Variants in DHX8 observed in about 807,000 individuals in gnomAD.
DHX8 encodes ATP-dependent RNA helicase DHX8.
DHX8 carries 67 observed loss-of-function variants against 140.7 expected under a neutral mutation model. The observed-to-expected ratio is 0.48, with a 90% CI of 0.39 to 0.58. The LOEUF is 0.58. DHX8 is among the 20% of genes least tolerant of loss of function. The pLI, the probability that DHX8 is intolerant of heterozygous loss-of-function variation, is 0.00. For missense variants in DHX8, 887 were observed against 1,550.7 expected (o/e 0.57, Z 7.19); for synonymous variants, 533 against 553.2 (o/e 0.96, Z 0.51).
rs1168507455 is a variant in DHX8, at chr17:43,541,396, G to T, written c.*21-2766G>T. The stretch of plus-strand genomic sequence containing the variant: ...GCCAGTGTGCCAGGGTCTGTCCCCA[G>T]CTCCATCCCGGTACTAAGATGGAGT... On this transcript the variant is annotated intron_variant, in intron 3 of 3. Transcript: ENST00000589898. Among the ~76,000 whole-genome samples, 3 of 152,352 alleles carry T rather than the reference G, an allele frequency of 2.0e-5. No individual in the cohort carries two copies. In the East Asian group the frequency reaches 5.8e-4, roughly 29 times the overall value.
intron 5 of DHX8, among the ~76,000 whole-genome samples, 161 bp downstream of exon 5, chr17:43,492,453 C>G (rs747716390): frequency 2.0e-5 from 3 of 152,138 alleles, no homozygotes; most frequent in Admixed American, 6.6e-5. Context: ...GTGTATGTAG[C>G]AAATGCTAGG....
chr17:43,533,302 CA>C (rs1971056392), intron 2 of DHX8: 1 of 1,613,762 alleles, frequency 6.2e-7, no homozygotes, highest in Non-Finnish European at 8.5e-7. Context: ...CCAAGGGCAC[CA>C]GGGGCAGGGG....
intron 2 of DHX8, chr17:43,533,106 C>T (rs1187653453): frequency 1.3e-6 from 2 of 1,552,206 alleles, no homozygotes; most frequent in African/African-American, 1.4e-5. Flanking sequence ...TACCACCCCA[C>T]AGCTCAAGTC....
intron 22 of DHX8, among the ~76,000 whole-genome samples, chr17:43,523,074 A>G (rs1439107564): frequency 6.6e-6 from 1 of 151,858 alleles, no homozygotes; most frequent in Admixed American, 6.6e-5. Flanking sequence ...AAAAAAAAAA[A>G]AAAAAGAAAG....
At position 43,533,918 on chromosome 17, in the gene DHX8, C is replaced by T. The variant is rs569449681; in HGVS notation, c.351-2494C>T. The T allele has an allele frequency of 5.0e-6, 8 of 1,592,454 alleles. No homozygotes were observed. The East Asian group carries it at 1.4e-4, about 27-fold the overall frequency. ...GGAGTGGCGGCTTCCTGCTGCAGGA[C>T]AGGGCCGGGTCTGTGCGGGGACTCT... On this transcript the variant is annotated intron_variant, in intron 2 of 3. Coordinates refer to the DHX8 transcript ENST00000589898.
At chr17:43,487,793 G>A (rs1206328967) in intron 1 of DHX8, among the ~76,000 whole-genome samples, 4 of 151,416 alleles carry the variant, frequency 2.6e-5, no homozygotes, top group African/African-American at 9.7e-5. Context: ...CCTGGCCAAT[G>A]TGGCAAAACC....
chr17:43,513,167 C>T (rs549680698), intron 16 of DHX8, among the ~76,000 whole-genome samples, 195 bp from the exon 17 acceptor site: 89 of 152,250 alleles, frequency 5.8e-4, no homozygotes, highest in African/African-American at 1.9e-3. Flanking sequence ...CATCCCTTTT[C>T]CAACTTAACC....
At chr17:43,508,557 A>C (rs925328947) in intron 16 of DHX8, 37 bp downstream of exon 16, 4 of 1,465,812 alleles carry the variant, frequency 2.7e-6, no homozygotes, top group Non-Finnish European at 3.8e-6. Context: ...ATGTGCCCTG[A>C]AACCATGTGT....
intron 1 of DHX8, 132 bp downstream of exon 1, chr17:43,484,317 C>T (rs1967993223): frequency 3.6e-6 from 4 of 1,122,746 alleles, no homozygotes; most frequent in Admixed American, 2.2e-5. Flanking sequence ...TCGCAGACAC[C>T]GGTGCCCAGG....
intron 17 of DHX8, among the ~76,000 whole-genome samples, chr17:43,515,332 G>A (rs1259269653): frequency 1.3e-5 from 2 of 152,168 alleles, no homozygotes; most frequent in African/African-American, 4.8e-5. Context: ...GGGACTACAG[G>A]CGCATGCCGC....
intron 11 of DHX8, among the ~76,000 whole-genome samples, chr17:43,502,221 AT>A (rs1451675178): frequency 2.0e-5 from 3 of 152,178 alleles, no homozygotes; most frequent in Non-Finnish European, 4.4e-5. Flanking sequence ...AATTGTGTTA[AT>A]TTAGATATCA....
At chr17:43,534,111 T>C (rs1971108580) in intron 2 of DHX8, 2 of 1,087,240 alleles carry the variant, frequency 1.8e-6, no homozygotes, top group Non-Finnish European at 1.2e-6. Context: ...CCTCTCTGGG[T>C]ATCAATTTTC....
At chr17:43,529,763 G>A (rs1970795312), downstream of DHX8, 1 of 1,591,112 alleles carries the variant, frequency 6.3e-7, no homozygotes, top group African/African-American at 1.3e-5. Context: ...TTCTCGAAGG[G>A]GTCTCCCCAG....
intron 3 of DHX8, among the ~76,000 whole-genome samples, chr17:43,542,866 C>G (rs182138395): frequency 6.6e-6 from 1 of 152,248 alleles, no homozygotes; most frequent in African/African-American, 2.4e-5. Flanking sequence ...AGGTTGGGCT[C>G]TGGTCCCCTT....
At chr17:43,487,268 G>C (rs142321507) in intron 1 of DHX8, among the ~76,000 whole-genome samples, 2 of 152,326 alleles carry the variant, frequency 1.3e-5, no homozygotes, top group East Asian at 3.9e-4. Flanking sequence ...ATGTGTTCGT[G>C]TAGCCTGATG....
At chr17:43,501,752 T>C (rs1292828982) in intron 11 of DHX8, among the ~76,000 whole-genome samples, 4 of 152,032 alleles carry the variant, frequency 2.6e-5, no homozygotes, top group African/African-American at 9.7e-5. Context: ...CCTCCCAAAG[T>C]GCCGGGATTA....
chr17:43,493,175 T>G (rs1968639500), intron 6 of DHX8, 135 bp downstream of exon 6: 1 of 1,283,570 alleles, frequency 7.8e-7, no homozygotes, highest in African/African-American at 1.5e-5. Flanking sequence ...TCTTAGAAAT[T>G]GACTCTTTTG....
Position 43,520,054 on chromosome 17 carries a change from A to T in DHX8, c.2800-76A>T. ...CAATTGAAGAAATGGGAAATAAAGT[A>T]ACAAGTAGCTTCCCCACATGCTGAC... On this transcript the variant is annotated intron_variant, in intron 18 of 22. Coordinates refer to ENST00000262415, the MANE Select transcript of DHX8 (RefSeq NM_004941.3). 7.7e-6 allele frequency: 12 copies of T among 1,548,784 alleles called. No homozygotes were observed. The South Asian group carries it at 1.4e-4, about 18-fold the overall frequency.
intron 10 of DHX8, among the ~76,000 whole-genome samples, 167 bp downstream of exon 10, chr17:43,499,126 CT>C (rs1445827755): frequency 1.3e-5 from 2 of 152,178 alleles, no homozygotes; most frequent in Non-Finnish European, 2.9e-5. Context: ...GTTGGGTTGG[CT>C]TTATTGCTTT....
Sources: gnomAD v4.1 joint callset for allele counts (sites outside exome capture counted in the v4.1 genomes callset) on GRCh38, gnomAD v4.1.1 for gene constraint, MANE v1.5 for transcripts, NCBI Gene and HGNC (gene_info 2026-07-23, HGNC 2026-07-21) for gene names.